Variants in TNR observed in about 807,000 individuals in gnomAD.
TNR encodes the protein tenascin-R.
A neutral mutation model predicts 150.4 loss-of-function variants in TNR; 45 were observed. That is an observed-to-expected ratio of 0.30 (90% CI 0.24 to 0.38). The LOEUF (loss-of-function observed/expected upper bound fraction) is 0.38, where lower values mean the gene tolerates loss of function less well. Among genes scored for constraint, TNR ranks in the 10% least tolerant of loss-of-function variants. The pLI is 1.00. For synonymous variants in TNR, 687 were observed against 678.4 expected (o/e 1.01, Z -0.20); for missense variants, 1,544 against 1,759.1 (o/e 0.88, Z 2.19).
chr1:175,574,106 T>C (rs1200606095), intron 1 of TNR, among the ~76,000 whole-genome samples: 1 of 152,102 alleles, frequency 6.6e-6, no homozygotes, highest in African/African-American at 2.4e-5. Flanking sequence ...TGGGATGATG[T>C]CTGCTCCCAA....
chr1:175,671,258 T>C (rs1665688682), intron 1 of TNR, among the ~76,000 whole-genome samples: 1 of 152,168 alleles, frequency 6.6e-6, no homozygotes, highest in South Asian at 2.1e-4. Context: ...CAGGTCATGG[T>C]GCCTACTGAA....
chr1:175,465,001 A>T (rs1442710168), intron 2 of TNR, among the ~76,000 whole-genome samples: 1 of 152,140 alleles, frequency 6.6e-6, no homozygotes, highest in Non-Finnish European at 1.5e-5. Context: ...GAGCCTGAGC[A>T]GGCCTGGAAA....
At chr1:175,619,370 C>T (rs142909356) in intron 1 of TNR, among the ~76,000 whole-genome samples, 1,615 of 152,218 alleles carry the variant, frequency 0.011, 19 homozygotes, top group Non-Finnish European at 0.018. Flanking sequence ...GATGGCCTCC[C>T]AGGACAATGG....
chr1:175,413,001 G>C (rs1654278346), intron 2 of TNR, among the ~76,000 whole-genome samples: 1 of 151,956 alleles, frequency 6.6e-6, no homozygotes, highest in Non-Finnish European at 1.5e-5. Context: ...AATGCTGACT[G>C]TTCTGCAGGT....
intron 2 of TNR, among the ~76,000 whole-genome samples, chr1:175,415,145 CTT>C (rs35109798): frequency 0.062 from 8,531 of 137,032 alleles, 278 homozygotes; most frequent in Middle Eastern, 0.18. Flanking sequence ...TTTTTTTGTG[CTT>C]TTTTTTTTTT....
At chr1:175,694,491 G>A (rs912014966) in intron 1 of TNR, among the ~76,000 whole-genome samples, 1 of 152,140 alleles carries the variant, frequency 6.6e-6, no homozygotes, top group African/African-American at 2.4e-5. Context: ...ATCCCACATT[G>A]CAACCAGAGG....
At position 175,396,677 on chromosome 1, in the gene TNR, G is replaced by A; in HGVS notation, c.1107C>T (p.Leu369=). Residue 369 remains leucine, a synonymous_variant, in exon 5 of 23, where the codon CTC becomes CTT. Coordinates refer to ENST00000367674, the MANE Select transcript of TNR (RefSeq NM_003285.3). ...YQPTALGGLQ[L]QQRVPGDWSG... is the part of the protein sequence containing the mutation. Reference sequence around the variant, plus strand: ...TCCAATCTCCAGGCACCCGCTGCTGGAGCTGGAGGCCCCCCAGGGCCGTCG... The same window carrying A: ...TCCAATCTCCAGGCACCCGCTGCTGAAGCTGGAGGCCCCCCAGGGCCGTCG... 6.2e-7 allele frequency: 1 copy of A among 1,614,234 alleles called. No individual in the cohort carries two copies. Among genetic ancestry groups the A allele is most frequent in the South Asian group, 1.1e-5 (1 of 91,082 alleles).
rs547172257 is a variant in TNR, at chr1:175,470,336, G to A, written c.-64+57933C>T. On this transcript the variant is annotated intron_variant, in intron 2 of 22. Coordinates refer to ENST00000367674, the MANE Select transcript of TNR (RefSeq NM_003285.3). ...GGGGATCATCAGCATGCAAAGGGCCGCAGGGGAAGACAAAATGCAAAAAGG... is the reference window on the plus strand; with the variant it reads ...GGGGATCATCAGCATGCAAAGGGCCACAGGGGAAGACAAAATGCAAAAAGG... 7.2e-5 allele frequency among the ~76,000 whole-genome samples: 11 copies of A among 152,220 alleles called. No individual in the cohort carries two copies. The South Asian group carries it at 2.1e-3, about 29-fold the overall frequency.
chr1:175,604,302 T>A (rs1663345783), intron 1 of TNR, among the ~76,000 whole-genome samples: 1 of 152,160 alleles, frequency 6.6e-6, no homozygotes, highest in African/African-American at 2.4e-5. Context: ...ATAGGCTTCA[T>A]TCAGCACTTC....
At chr1:175,384,937 T>C (rs1652854014) in intron 8 of TNR, among the ~76,000 whole-genome samples, 1 of 152,250 alleles carries the variant, frequency 6.6e-6, no homozygotes, top group African/African-American at 2.4e-5. Flanking sequence ...AGGGGTGTTA[T>C]TTATTTATTG....
intron 2 of TNR, among the ~76,000 whole-genome samples, chr1:175,462,709 A>T (rs1228788517): frequency 6.6e-6 from 1 of 152,206 alleles, no homozygotes; most frequent in Non-Finnish European, 1.5e-5. Context: ...TTGTTGCCTT[A>T]AAACTTAGTT....
intron 1 of TNR, among the ~76,000 whole-genome samples, chr1:175,690,538 G>T (rs976907696): frequency 2.6e-5 from 4 of 152,240 alleles, no homozygotes; most frequent in Non-Finnish European, 5.9e-5. Flanking sequence ...AGCTGGGTGG[G>T]TTTGAGGACA....
intron 1 of TNR, among the ~76,000 whole-genome samples, chr1:175,641,476 A>T (rs532200311): frequency 1.6e-4 from 24 of 152,302 alleles, no homozygotes; most frequent in African/African-American, 5.8e-4. Flanking sequence ...TAGTAATGTA[A>T]AGATTAATAT....
At chr1:175,453,651 C>T (rs1162092592) in intron 2 of TNR, among the ~76,000 whole-genome samples, 1 of 152,078 alleles carries the variant, frequency 6.6e-6, no homozygotes, top group African/African-American at 2.4e-5. Flanking sequence ...GCCTTGAGCT[C>T]CTGTGCTCCT....
chr1:175,356,507 G>T (rs1455334710), intron 15 of TNR, 45 bp from the exon 16 acceptor site: 1 of 1,603,484 alleles, frequency 6.2e-7, no homozygotes, highest in East Asian at 2.2e-5. Flanking sequence ...AGGCTACTCA[G>T]TTTAGGAAAG....
At chr1:175,331,509 C>A (rs894208646) in intron 20 of TNR, among the ~76,000 whole-genome samples, 1 of 152,030 alleles carries the variant, frequency 6.6e-6, no homozygotes, top group Non-Finnish European at 1.5e-5. Context: ...GTGATCTGCC[C>A]GCCTCAGCCT....
At chr1:175,449,850 C>G (rs1395158489) in intron 2 of TNR, among the ~76,000 whole-genome samples, 8 of 152,150 alleles carry the variant, frequency 5.3e-5, no homozygotes, top group Admixed American at 3.9e-4. Flanking sequence ...GCCTCTCTCC[C>G]CAAGCCTTCC....
chr1:175,454,556 C>A (rs575407723), intron 2 of TNR, among the ~76,000 whole-genome samples: 18 of 152,240 alleles, frequency 1.2e-4, no homozygotes, highest in African/African-American at 4.3e-4. Context: ...CTGCAACCTC[C>A]CCTCTCCTGG....
chr1:175,337,754 G>A (rs1650319026), intron 18 of TNR, 75 bp from the exon 19 acceptor site: 1 of 1,525,718 alleles, frequency 6.6e-7, no homozygotes, highest in African/African-American at 1.4e-5. Flanking sequence ...GATCATAGAA[G>A]GTCTTAGCAG....
Sources: gnomAD v4.1 joint callset for allele counts (sites outside exome capture counted in the v4.1 genomes callset) on GRCh38, gnomAD v4.1.1 for gene constraint, MANE v1.5 for transcripts, NCBI Gene and HGNC (gene_info 2026-07-23, HGNC 2026-07-21) for gene names.